Variants in GRIK2 observed in about 807,000 individuals in gnomAD.
GRIK2 encodes the protein glutamate receptor ionotropic, kainate 2.
GRIK2 carries 32 observed loss-of-function variants against 100.3 expected under a neutral mutation model. That is an observed-to-expected ratio of 0.32 (90% CI 0.24 to 0.43). The LOEUF (loss-of-function observed/expected upper bound fraction) is 0.43, where lower values mean the gene tolerates loss of function less well. Ranked by LOEUF, GRIK2 falls within the 20% of genes least tolerant of loss-of-function variation. The probability of loss-of-function intolerance (pLI) is 1.00; values close to 1 mark genes in which losing one functional copy is unlikely to be tolerated. For missense variants in GRIK2, 843 were observed against 1,114.9 expected, an observed-to-expected ratio of 0.76 and a Z score of 3.47; for synonymous variants, 417 against 389.4, an observed-to-expected ratio of 1.07 and a Z score of -0.83.
At chr6:101,756,375 C>CTACATTTATAATCTACATTTATAAATGGG (rs1777136496) in intron 7 of GRIK2, among the ~76,000 whole-genome samples, 1 of 127,918 alleles carries the variant, frequency 7.8e-6, no homozygotes, top group Non-Finnish European at 1.6e-5. Context: ...AGTTTCTTAT[C>CTACATTTATAATCTACATTTATAAATGGG]TACATTTATA....
At chr6:101,806,022 T>A (rs1326745236) in intron 9 of GRIK2, among the ~76,000 whole-genome samples, 1 of 151,936 alleles carries the variant, frequency 6.6e-6, no homozygotes, top group African/African-American at 2.4e-5. Context: ...GAAGCCTTAA[T>A]TGGAACCCAG....
chr6:101,603,547 G>T (rs148177873), intron 2 of GRIK2, among the ~76,000 whole-genome samples: 2 of 151,592 alleles, frequency 1.3e-5, no homozygotes, highest in Admixed American at 6.6e-5. Flanking sequence ...GCTACTCTCC[G>T]CAAAGTCTGA....
intron 11 of GRIK2, among the ~76,000 whole-genome samples, chr6:101,882,665 T>C (rs1786337348): frequency 6.6e-6 from 1 of 152,064 alleles, no homozygotes; most frequent in Non-Finnish European, 1.5e-5. Flanking sequence ...TTGGGCACTG[T>C]GTGGTAACTA....
intron 2 of GRIK2, among the ~76,000 whole-genome samples, chr6:101,456,067 G>A (rs1770993156): frequency 6.6e-6 from 1 of 151,320 alleles, no homozygotes; most frequent in South Asian, 2.1e-4. Context: ...GCAGGTCTTG[G>A]GGGTCCTGGT....
chr6:102,015,457 G>A (rs1562112908), intron 14 of GRIK2, among the ~76,000 whole-genome samples: 1 of 152,058 alleles, frequency 6.6e-6, no homozygotes, highest in Non-Finnish European at 1.5e-5. Context: ...GTATTGATAT[G>A]TGTGGACACA....
intron 2 of GRIK2, among the ~76,000 whole-genome samples, chr6:101,400,589 G>T (rs973207450): frequency 6.6e-6 from 1 of 152,142 alleles, no homozygotes; most frequent in South Asian, 2.1e-4. Context: ...TAAGTCACTC[G>T]GTCAAATTTA....
intron 16 of GRIK2, among the ~76,000 whole-genome samples, chr6:102,064,514 A>T (rs1343831170): frequency 1.3e-5 from 2 of 149,022 alleles, no homozygotes; most frequent in Non-Finnish European, 3.0e-5. Flanking sequence ...TTTTTAGTAT[A>T]ACCAGGAAAA....
At chr6:101,411,351 T>A (rs1258491954) in intron 2 of GRIK2, among the ~76,000 whole-genome samples, 1 of 152,078 alleles carries the variant, frequency 6.6e-6, no homozygotes, top group East Asian at 1.9e-4. Flanking sequence ...AAACTTTATA[T>A]CAGAGGAAAG....
intron 14 of GRIK2, among the ~76,000 whole-genome samples, chr6:101,958,253 T>TTCTGTGTGTGTGTG (rs150156844): frequency 0.078 from 10,949 of 139,486 alleles, 485 homozygotes; most frequent in Non-Finnish European, 0.09. Context: ...TGCTACATAT[T>TTCTGTGTGTGTGTG]TGTGTGTGTG....
intron 2 of GRIK2, among the ~76,000 whole-genome samples, chr6:101,521,068 A>G (rs1276514383): frequency 6.6e-6 from 1 of 152,090 alleles, no homozygotes; most frequent in Non-Finnish European, 1.5e-5. Flanking sequence ...TATTTACCTA[A>G]TTATGTATAT....
At position 101,938,301 on chromosome 6, in the gene GRIK2, A is replaced by G. The variant is rs540500775; in HGVS notation, c.2085+9669A>G. On this transcript the variant is annotated intron_variant, in intron 14 of 16. Transcript: ENST00000369134. ...TGCTCAATAATCTTACCACTTTATC[A>G]TGCATATTTGCAAGGATGAAGCACA... 1.5e-3 allele frequency among the ~76,000 whole-genome samples: 232 copies of G among 152,194 alleles called. 1 individual carries two copies. Among genetic ancestry groups the G allele is most frequent in the African/African-American group, 5.3e-3 (222 of 41,548 alleles).
At chr6:102,033,303 G>A (rs1770095475) in intron 14 of GRIK2, among the ~76,000 whole-genome samples, 1 of 151,080 alleles carries the variant, frequency 6.6e-6, no homozygotes, top group Non-Finnish European at 1.5e-5. Context: ...AGGCTGACTG[G>A]TCTCAACAGT....
chr6:101,735,972 A>T (rs2128374224), intron 7 of GRIK2, among the ~76,000 whole-genome samples: 1 of 152,344 alleles, frequency 6.6e-6, no homozygotes, highest in East Asian at 1.9e-4. Context: ...TTGGGTAAAT[A>T]CAGTCATTCC....
At chr6:101,524,733 T>C (rs1775063117) in intron 2 of GRIK2, among the ~76,000 whole-genome samples, 1 of 151,092 alleles carries the variant, frequency 6.6e-6, no homozygotes, top group South Asian at 2.1e-4. Context: ...TTTTTTTTTT[T>C]TCTTCTTTTT....
chr6:101,526,174 A>G (rs1384127993), intron 2 of GRIK2, among the ~76,000 whole-genome samples: 1 of 152,176 alleles, frequency 6.6e-6, no homozygotes, highest in Non-Finnish European at 1.5e-5. Flanking sequence ...CTTGACTTCA[A>G]TTCAGAAAAG....
intron 12 of GRIK2, among the ~76,000 whole-genome samples, chr6:101,907,524 C>T (rs545964715): frequency 1.3e-5 from 2 of 151,798 alleles, no homozygotes; most frequent in South Asian, 4.1e-4. Context: ...TGACCGCCTG[C>T]AGTGCACCAC....
At chr6:101,423,602 T>G in intron 2 of GRIK2, among the ~76,000 whole-genome samples, 1 of 152,200 alleles carries the variant, frequency 6.6e-6, no homozygotes, top group Non-Finnish European at 1.5e-5. Context: ...TCTTCTTTGG[T>G]GAAATGTCTA....
At chr6:101,795,577 C>G (rs547064120) in intron 7 of GRIK2, among the ~76,000 whole-genome samples, 1 of 152,272 alleles carries the variant, frequency 6.6e-6, no homozygotes, top group Admixed American at 6.5e-5. Context: ...TTCCTGGGCC[C>G]CTAAGCAGTA....
chr6:101,539,191 C>T (rs1265385949), intron 2 of GRIK2, among the ~76,000 whole-genome samples: 1 of 151,712 alleles, frequency 6.6e-6, no homozygotes, highest in Non-Finnish European at 1.5e-5. Flanking sequence ...CAGTTCACTT[C>T]TGTTGTAGAT....
Sources: allele counts gnomAD v4.1 joint callset (sites outside exome capture counted in the v4.1 genomes callset), GRCh38; gene constraint gnomAD v4.1.1; transcripts MANE v1.5; gene names NCBI Gene and HGNC (gene_info 2026-07-23, HGNC 2026-07-21).